ARHGEF33: variants seen among roughly 807,000 people sequenced by gnomAD.
ARHGEF33 encodes Rho guanine nucleotide exchange factor 33, also known as DH and coiled-coil domain-containing protein ENSP00000381780.
Under a neutral mutation model 101.9 loss-of-function variants are expected in ARHGEF33, and 72 were observed. The ratio of observed to expected loss-of-function variants is 0.71; its 90% CI spans 0.58 to 0.86. The LOEUF (loss-of-function observed/expected upper bound fraction) is 0.86. Among genes scored for constraint, ARHGEF33 ranks in the 40% least tolerant of loss-of-function variants. The pLI is 0.00. For missense variants in ARHGEF33, 1,169 were observed against 1,111.3 expected (o/e 1.05, Z -0.74); for synonymous variants, 499 against 442.5 (o/e 1.13, Z -1.60).
intron 2 of ARHGEF33, among the ~76,000 whole-genome samples, chr2:38,916,206 A>T (rs1666629615): frequency 6.6e-6 from 1 of 152,188 alleles, no homozygotes; most frequent in Non-Finnish European, 1.5e-5. Context: ...TTTCCAGGAA[A>T]AATCACCCAC....
chr2:38,943,570 G>A (rs1179799569), intron 9 of ARHGEF33, among the ~76,000 whole-genome samples: 2 of 152,146 alleles, frequency 1.3e-5, no homozygotes, highest in African/African-American at 4.8e-5. Flanking sequence ...AGGTTCAATT[G>A]CCCCATATGT....
At chr2:38,916,232 A>T (rs76229560) in intron 2 of ARHGEF33, among the ~76,000 whole-genome samples, 7,573 of 152,316 alleles carry the variant, frequency 0.05, 226 homozygotes, top group Middle Eastern at 0.061. Context: ...TCCCATAAAT[A>T]TATGGCTTTG....
rs752104891 is a variant in ARHGEF33 at position 38,937,354 on chromosome 2, A to C, written c.585A>C (p.Pro195=). Residue 195 remains proline (P), a synonymous_variant, in exon 9 of 18, where the codon CCA becomes CCC. Coordinates refer to ENST00000409978, the MANE Select transcript of ARHGEF33 (RefSeq NM_001145451.5). ...MMGPGVNPTT[P]EAEENLKSCL... is the part of the protein sequence containing the mutation. ...CACCAGGAGTGAACCCAACAACTCC[A>C]GAAGCAGAAGAAAACCTCAAGTCTT... 3 of 1,196,748 alleles carry C rather than the reference A, an allele frequency of 2.5e-6. No individual in the cohort carries two copies. Among genetic ancestry groups the C allele is most frequent in the Non-Finnish European group, 3.3e-6 (3 of 906,144 alleles). The allele number at this position is 1,196,748 out of a possible 1,614,324, so 74.1% of individuals were successfully genotyped here.
chr2:38,890,839 T>C (rs1665980366), intron 1 of ARHGEF33, among the ~76,000 whole-genome samples: 1 of 152,156 alleles, frequency 6.6e-6, no homozygotes, highest in African/African-American at 2.4e-5. Flanking sequence ...TGATGCACAT[T>C]TATTCTAAAC....
intron 10 of ARHGEF33, among the ~76,000 whole-genome samples, chr2:38,948,430 C>T (rs748500456): frequency 3.9e-5 from 6 of 152,100 alleles, no homozygotes; most frequent in Non-Finnish European, 7.3e-5. Context: ...ACAGTCATCC[C>T]GGTGGGCAGT....
intron 4 of ARHGEF33, 123 bp downstream of exon 4, chr2:38,921,546 T>C: frequency 1.4e-6 from 1 of 701,548 alleles, no homozygotes; most frequent in East Asian, 2.8e-5. Context: ...CTTGTTCTCT[T>C]AACAGGGCTG....
At chr2:38,910,570 T>C (rs1278821472) in intron 2 of ARHGEF33, among the ~76,000 whole-genome samples, 1 of 152,102 alleles carries the variant, frequency 6.6e-6, no homozygotes, top group Non-Finnish European at 1.5e-5. Flanking sequence ...ACTCCATCTC[T>C]ACAAAAAAAG....
intron 2 of ARHGEF33, among the ~76,000 whole-genome samples, chr2:38,906,110 GGAGCCAAGATTGTGCCAAGATT>G (rs1163583708): frequency 6.6e-6 from 1 of 151,326 alleles, no homozygotes; most frequent in Non-Finnish European, 1.5e-5. Context: ...CCTAGGAGGT[GGAGCCAAGATTGTGCCAAGATT>G]GAGCCAAGAT....
intron 2 of ARHGEF33, among the ~76,000 whole-genome samples, chr2:38,916,373 A>G (rs1416929204): frequency 6.6e-6 from 1 of 152,230 alleles, no homozygotes; most frequent in Non-Finnish European, 1.5e-5. Flanking sequence ...TTTACAAATG[A>G]AGAACTTGGA....
intron 1 of ARHGEF33, among the ~76,000 whole-genome samples, chr2:38,894,521 T>C (rs1451168341): frequency 6.6e-6 from 1 of 152,028 alleles, no homozygotes; most frequent in Non-Finnish European, 1.5e-5. Context: ...CCCACAAAGG[T>C]AGGCAGTCTA....
At chr2:38,927,980 G>A (rs1253806842) in intron 4 of ARHGEF33, among the ~76,000 whole-genome samples, 2 of 152,114 alleles carry the variant, frequency 1.3e-5, no homozygotes, top group African/African-American at 4.8e-5. Flanking sequence ...ACCTAAAGGG[G>A]GAGAAGAATG....
rs193285704 is a variant in ARHGEF33 at position 38,946,756 on chromosome 2, G to T, written c.920+2726G>T. Among the ~76,000 whole-genome samples, 3 of 152,246 alleles carry T rather than the reference G, an allele frequency of 2.0e-5. No homozygotes were observed. The East Asian group carries it at 5.8e-4, about 29-fold the overall frequency. On this transcript the variant is annotated intron_variant, in intron 10 of 17. Coordinates refer to ENST00000409978, the MANE Select transcript of ARHGEF33 (RefSeq NM_001145451.5). ...TTCTCCTGCCTCAGCCTCCTGAGTA[G>T]CTGAGATTACAGGCACACACCACCA... is the stretch of plus-strand genomic sequence containing the variant.
chr2:38,960,550 C>CCGGCCG lies in ARHGEF33; in HGVS notation c.2247_2252dup (p.Ala752_Ala753dup). 3.9e-6 allele frequency: 5 copies of CCGGCCG among 1,266,266 alleles called. No individual in the cohort carries two copies. The highest frequency in any genetic ancestry group is 2.1e-5 in the South Asian group (1 of 48,546). The allele number at this position is 1,266,266 out of a possible 1,614,324, so 78.4% of individuals were successfully genotyped here. A position where few individuals can be genotyped will look rare whatever the true frequency, so the allele number is the denominator to read the frequency against. On this transcript the variant is annotated inframe_insertion, in exon 16 of 18. Transcript: ENST00000409978. ...CGAGCGCGCCGCGCAGGCGCACGGC[C>CCGGCCG]CGGCCGCCGCCGCCGTCGCCGCCCG... is the stretch of plus-strand genomic sequence containing the variant.
chr2:38,960,113 C>T lies in ARHGEF33; in HGVS notation c.1808C>T (p.Pro603Leu). 1.3e-6 allele frequency: 2 copies of T among 1,542,280 alleles called. No homozygotes were observed. The highest frequency in any genetic ancestry group is 1.2e-5 in the South Asian group (1 of 83,930). ...RSLRAPAELL[P>L]DARGFVPAAY... ...CTGCGCGCCCCGGCCGAGCTCCTGC[C>T]CGATGCCCGCGGCTTCGTGCCCGCG... The change falls in exon 16 of 18, where the codon CCC becomes CTC. Residue 603 changes from proline (P) to leucine (L), a missense_variant. Physicochemically the swap from Pro to Leu is moderately conservative, Grantham distance 98 (BLOSUM62 -3). Coordinates refer to ENST00000409978, the MANE Select transcript of ARHGEF33 (RefSeq NM_001145451.5).
At position 38,954,390 on chromosome 2, in the gene ARHGEF33, A is replaced by G; in HGVS notation, c.1155A>G (p.Lys385=). The G allele has an allele frequency of 6.5e-7, 1 of 1,546,402 alleles. No individual in the cohort carries two copies. The highest frequency in any genetic ancestry group is 2.5e-5 in the East Asian group (1 of 40,688). The part of the protein sequence containing the change: ...VVLKEGDEEI[K]SDIYTLFFHI... Reference sequence around the variant, plus strand: ...TCATTCAGGGTGATGAAGAGATTAAATCTGACATCTACACGTTGTTTTTTC... The same window carrying G: ...TCATTCAGGGTGATGAAGAGATTAAGTCTGACATCTACACGTTGTTTTTTC... The change falls in exon 13 of 18, where the codon AAA becomes AAG. Residue 385 remains lysine, a synonymous_variant. Transcript: ENST00000409978.
chr2:38,955,145 A>G (rs1356187756), intron 13 of ARHGEF33, among the ~76,000 whole-genome samples: 1 of 152,124 alleles, frequency 6.6e-6, no homozygotes, highest in Non-Finnish European at 1.5e-5. Flanking sequence ...TAACCTGTTC[A>G]CTTAACTGCT....
chr2:38,946,367 G>GAT (rs1667450865), intron 10 of ARHGEF33, among the ~76,000 whole-genome samples: 1 of 152,158 alleles, frequency 6.6e-6, no homozygotes, highest in Admixed American at 6.6e-5. Flanking sequence ...ATGAAAGTAA[G>GAT]ATCATAGTTA....
At chr2:38,955,845 T>G (rs1268668741) in intron 13 of ARHGEF33, among the ~76,000 whole-genome samples, 1 of 151,628 alleles carries the variant, frequency 6.6e-6, no homozygotes, top group Non-Finnish European at 1.5e-5. Context: ...CCCGGCTAAT[T>G]TTTGTGTTTT....
At chr2:38,933,274 C>T (rs955535880) in intron 7 of ARHGEF33, among the ~76,000 whole-genome samples, 5 of 152,196 alleles carry the variant, frequency 3.3e-5, no homozygotes, top group Non-Finnish European at 7.3e-5. Flanking sequence ...GTTCTTGTAA[C>T]CTGGGCCTCT....
Sources: allele counts gnomAD v4.1 joint callset (sites outside exome capture counted in the v4.1 genomes callset), GRCh38; gene constraint gnomAD v4.1.1; transcripts MANE v1.5; gene names NCBI Gene and HGNC (gene_info 2026-07-23, HGNC 2026-07-21).